SEC14L3: variants seen among roughly 807,000 people sequenced by gnomAD.
The protein encoded by SEC14L3 is SEC14-like protein 3.
Under a neutral mutation model 57.4 loss-of-function variants are expected in SEC14L3, and 56 were observed. The ratio of observed to expected loss-of-function variants is 0.97; its 90% confidence interval spans 0.79 to 1.22. The LOEUF is 1.22. SEC14L3 is among the 50% of genes most tolerant of loss of function. The probability of loss-of-function intolerance (pLI) is 0.00; values close to 1 mark genes in which losing one functional copy is unlikely to be tolerated. For synonymous variants in SEC14L3, 173 were observed against 194.4 expected, an observed-to-expected ratio of 0.89 and a Z score of 0.92; for missense variants, 485 against 511.7, an observed-to-expected ratio of 0.95 and a Z score of 0.50.
chr22:30,451,084 T>A (rs979173853), intron 12 of SEC14L3, among the ~76,000 whole-genome samples: 1 of 152,226 alleles, frequency 6.6e-6, no homozygotes, highest in Admixed American at 6.5e-5. Context: ...GTGTGACTGC[T>A]GTGACTTTGG....
intron 12 of SEC14L3, among the ~76,000 whole-genome samples, chr22:30,450,332 A>C (rs1393083225): frequency 6.6e-6 from 1 of 151,322 alleles, no homozygotes; most frequent in Non-Finnish European, 1.5e-5. Flanking sequence ...TTGAGACGGA[A>C]TCTCTCTCTG....
chr22:30,471,599 CG>C (rs1306136025), intron 1 of SEC14L3, among the ~76,000 whole-genome samples: 1 of 152,026 alleles, frequency 6.6e-6, no homozygotes, highest in East Asian at 1.9e-4. Context: ...GAGGGAGGAA[CG>C]GGGGTACCTG....
intron 4 of SEC14L3, among the ~76,000 whole-genome samples, chr22:30,469,672 G>T (rs1451297929): frequency 6.6e-6 from 1 of 152,182 alleles, no homozygotes; most frequent in Non-Finnish European, 1.5e-5. Flanking sequence ...TTACGAGCCT[G>T]GGTTTGGGGG....
exon 13 of SEC14L3, chr22:30,448,898 A>G (rs928651437): frequency 1.7e-6 from 1 of 579,038 alleles, no homozygotes; most frequent in Non-Finnish European, 3.0e-6. Flanking sequence ...TCTCTAAAAA[A>G]CAAACAAACA....
At chr22:30,454,775 ATT>A (rs1935063929), downstream of SEC14L3, among the ~76,000 whole-genome samples, 2 of 79,840 alleles carry the variant, frequency 2.5e-5, no homozygotes, top group African/African-American at 1.1e-4. Flanking sequence ...TATATAATAT[ATT>A]ATTATATATT....
Position 30,454,048 on chromosome 22 carries a change from C to T in SEC14L3, c.905-4804G>A, listed in dbSNP as rs146545864. Reference sequence around the variant, plus strand: ...TGGTCTCAGCCATACCCTTGCTTCCCCAGGCACTCCTGGCCTTTGTTTTCC... The same window carrying T: ...TGGTCTCAGCCATACCCTTGCTTCCTCAGGCACTCCTGGCCTTTGTTTTCC... On this transcript the variant is annotated intron_variant, in intron 12 of 12. Coordinates refer to the SEC14L3 transcript ENST00000403066. Among the ~76,000 whole-genome samples the T allele has an allele frequency of 3.3e-5, 5 of 152,238 alleles. No individual in the cohort carries two copies. The East Asian group carries it at 7.7e-4, about 24-fold the overall frequency.
Position 30,471,060 on chromosome 22 carries a change from G to A in SEC14L3, c.55-478C>T, listed in dbSNP as rs185535707. 811 of 317,300 alleles carry A rather than the reference G, an allele frequency of 2.6e-3. 6 individuals are homozygous for A. The highest frequency in any genetic ancestry group is 7.9e-3 in the South Asian group (317 of 39,938). 19.7% of individuals were successfully genotyped at this position (317,300 alleles called of 1,614,324 possible). A position where few individuals can be genotyped will look rare whatever the true frequency, so the allele number is the denominator to read the frequency against. Reference sequence around the variant, plus strand: ...AGCACTTTAGGAGGCTGAGGTTGGTGGATCACCTGAGGTCAGGAGTTTGAG... The same window carrying A: ...AGCACTTTAGGAGGCTGAGGTTGGTAGATCACCTGAGGTCAGGAGTTTGAG... On this transcript the variant is annotated intron_variant, in intron 1 of 11. Coordinates refer to ENST00000215812, the MANE Select transcript of SEC14L3 (RefSeq NM_174975.5).
chr22:30,466,915 G>T, intron 6 of SEC14L3, 67 bp downstream of exon 6: 2 of 1,482,214 alleles, frequency 1.3e-6, no homozygotes, highest in Non-Finnish European at 1.9e-6. Flanking sequence ...TCAGTAAGCA[G>T]CTGGGTCATG....
At chr22:30,470,862 AGATG>A (rs1160174145) in intron 1 of SEC14L3, among the ~76,000 whole-genome samples, 3 of 152,168 alleles carry the variant, frequency 2.0e-5, no homozygotes, top group African/African-American at 7.2e-5. Flanking sequence ...ATGAATGGAT[AGATG>A]GATGGATGGA....
At chr22:30,455,194 A>ATATTTAATATTTAATATATT (rs1935097732), downstream of SEC14L3, among the ~76,000 whole-genome samples, 1 of 55,258 alleles carries the variant, frequency 1.8e-5, no homozygotes, top group Non-Finnish European at 4.5e-5. Context: ...TTTAATATAT[A>ATATTTAATATTTAATATATT]ATATAAATTA....
downstream of SEC14L3, among the ~76,000 whole-genome samples, chr22:30,455,173 TATATTTA>T (rs1353349778): frequency 3.6e-5 from 4 of 109,986 alleles, no homozygotes; most frequent in African/African-American, 1.5e-4. Flanking sequence ...TTTAATATAT[TATATTTA>T]ATATTTAATA....
chr22:30,449,128 AT>A lies in SEC14L3; in HGVS notation c.1020del (p.Lys340AsnfsTer4), dbSNP rs375846049. ...AGGGGTAAAGGCCTACTTAGCTTGC[AT>A]TTTCGTACCATTTGGTATGCCATCA... is the stretch of plus-strand genomic sequence containing the variant. On this transcript the variant is annotated frameshift_variant, in exon 13 of 13. Coordinates refer to the SEC14L3 transcript ENST00000403066. LOFTEE classifies it high-confidence loss of function. 1.9e-6 allele frequency: 3 copies of A among 1,550,510 alleles called. No individual in the cohort carries two copies. The highest frequency in any genetic ancestry group is 3.9e-5 in the Admixed American group (2 of 50,984).
At position 30,464,676 on chromosome 22, in the gene SEC14L3, C is replaced by T. The variant is rs934487271; in HGVS notation, c.664+144G>A. On this transcript the variant is annotated intron_variant, in intron 8 of 11. Coordinates refer to ENST00000215812, the MANE Select transcript of SEC14L3 (RefSeq NM_174975.5). ...AACCTCCTGATATCAAGCAATCCTCCTGCCTCAGCCTCCCAAAGTGCTGGG... is the reference window on the plus strand; with the variant it reads ...AACCTCCTGATATCAAGCAATCCTCTTGCCTCAGCCTCCCAAAGTGCTGGG... The T allele has an allele frequency of 2.8e-5, 21 of 740,874 alleles. No homozygotes were observed. In the Admixed American group the frequency reaches 3.5e-4, roughly 12 times the overall value. The allele number at this position is 740,874 out of a possible 1,614,324, so 45.9% of individuals were successfully genotyped here.
chr22:30,463,736 G>A (rs1935336523), intron 8 of SEC14L3, among the ~76,000 whole-genome samples: 1 of 152,196 alleles, frequency 6.6e-6, no homozygotes, highest in Non-Finnish European at 1.5e-5. Context: ...AGGGTCATTG[G>A]TTTGGGTTTA....
intron 8 of SEC14L3, 85 bp downstream of exon 8, chr22:30,464,735 G>A: frequency 8.1e-7 from 1 of 1,240,112 alleles, no homozygotes; most frequent in African/African-American, 1.5e-5. Flanking sequence ...CCAACCTAAT[G>A]TGTGGAGTTC....
Position 30,470,207 on chromosome 22 carries a change from C to G in SEC14L3, c.174+5G>C. The G allele has an allele frequency of 1.2e-6, 2 of 1,614,098 alleles. No individual in the cohort carries two copies. The highest frequency in any genetic ancestry group is 1.7e-6 in the Non-Finnish European group (2 of 1,180,026). ...CCATAAATTTCCAGAGTGGATAGGT[C>G]TCACCTTGCGGAGCAAAGCCTCCGA... On this transcript the variant is annotated splice_donor_5th_base_variant and intron_variant, in intron 3 of 11. Transcript: ENST00000215812.
At chr22:30,470,449 T>G in intron 2 of SEC14L3, 58 bp downstream of exon 2, 1 of 1,611,914 alleles carries the variant, frequency 6.2e-7, no homozygotes, top group South Asian at 1.1e-5. Context: ...CTGGAGCAGT[T>G]GAGACCAGGC....
chr22:30,453,692 C>T (rs781088864), intron 12 of SEC14L3, among the ~76,000 whole-genome samples: 4 of 152,170 alleles, frequency 2.6e-5, no homozygotes, highest in Non-Finnish European at 4.4e-5. Context: ...GGATTACAGG[C>T]GTGAGCCGCC....
At chr22:30,470,611 C>G (rs764567487) in intron 1 of SEC14L3, 29 bp from the exon 2 acceptor site, 2 of 1,614,086 alleles carry the variant, frequency 1.2e-6, no homozygotes, top group African/African-American at 1.3e-5. Context: ...GTTAAAGTGG[C>G]TCTCTCACAT....
Sources: allele counts gnomAD v4.1 joint callset (sites outside exome capture counted in the v4.1 genomes callset), GRCh38; gene constraint gnomAD v4.1.1; transcripts MANE v1.5; gene names NCBI Gene and HGNC (gene_info 2026-07-23, HGNC 2026-07-21).